Variants in METTL25 observed in about 807,000 individuals in gnomAD.
The protein encoded by METTL25 is methyltransferase like 25.
A neutral mutation model predicts 71.6 loss-of-function variants in METTL25; 64 were observed. That is an observed-to-expected ratio of 0.89 (90% CI 0.73 to 1.10). The LOEUF (loss-of-function observed/expected upper bound fraction) is 1.10. Ranked by LOEUF, METTL25 falls within the 50% of genes least tolerant of loss-of-function variation. METTL25 has a pLI of 0.00. For synonymous variants in METTL25, 287 were observed against 250.3 expected (o/e 1.15, Z -1.38); for missense variants, 807 against 707.0 (o/e 1.14, Z -1.60).
At chr12:82,429,055 A>G (rs766505023) in intron 5 of METTL25, among the ~76,000 whole-genome samples, 2 of 151,784 alleles carry the variant, frequency 1.3e-5, no homozygotes, top group African/African-American at 4.8e-5. Context: ...AACATTTCAA[A>G]TCTCTTCTAG....
chr12:82,370,798 T>G (rs954234592), intron 1 of METTL25, among the ~76,000 whole-genome samples: 1 of 152,100 alleles, frequency 6.6e-6, no homozygotes, highest in Non-Finnish European at 1.5e-5. Context: ...CTCTCTGACT[T>G]TCTGTCTCTT....
rs1242471823 is a variant in METTL25, at chr12:82,399,083, A to T, written c.820A>T (p.Thr274Ser). 1 of 1,613,250 alleles carries T rather than the reference A, an allele frequency of 6.2e-7. No individual in the cohort carries two copies. Among genetic ancestry groups the T allele is most frequent in the East Asian group, 2.2e-5 (1 of 44,782 alleles). ...TCCTACAAATCAAGAAAAGATGCCT[A>T]CCTCAGCTATTTTGCCTGATTTTTC... Reference protein sequence around the residue: ...NSPTNQEKMPTSAILPDFSGS... With the variant: ...NSPTNQEKMPSSAILPDFSGS... The change falls in exon 4 of 12, where the codon ACC becomes TCC. Residue 274 changes from threonine (T) to serine (S), a missense_variant. Transcript: ENST00000248306.
chr12:82,455,080 A>G (rs1395411493), intron 8 of METTL25, among the ~76,000 whole-genome samples: 1 of 151,814 alleles, frequency 6.6e-6, no homozygotes, highest in Non-Finnish European at 1.5e-5. Context: ...GAGCTACTCC[A>G]TAAGACGGTG....
intron 4 of METTL25, among the ~76,000 whole-genome samples, chr12:82,399,933 CCTAA>C (rs1886434226): frequency 7.8e-6 from 1 of 127,490 alleles, no homozygotes; most frequent in Non-Finnish European, 1.6e-5. Flanking sequence ...GATCGTTTGG[CCTAA>C]CTCATTGTCT....
At chr12:82,374,962 T>C (rs373982038) in intron 1 of METTL25, among the ~76,000 whole-genome samples, 1 of 152,272 alleles carries the variant, frequency 6.6e-6, no homozygotes, top group African/African-American at 2.4e-5. Context: ...TTTTGAAAGA[T>C]GCTGTACAGA....
At chr12:82,388,671 TG>T (rs1181853839) in intron 2 of METTL25, 6 of 152,224 alleles carry the variant, frequency 3.9e-5, no homozygotes, top group African/African-American at 1.4e-4. Context: ...ATTCAAGGTC[TG>T]GATGGACTCT....
chr12:82,406,086 A>G (rs1344034088), intron 5 of METTL25, among the ~76,000 whole-genome samples: 1 of 152,160 alleles, frequency 6.6e-6, no homozygotes, highest in Non-Finnish European at 1.5e-5. Flanking sequence ...TTATGGAAAG[A>G]GATAGGAAAA....
In METTL25 at chr12:82,358,967, G is replaced by A. The variant is rs558800626; in HGVS notation, c.259+143G>A. ...CCCGCTGGGAAACCGAGGAGGGGTC[G>A]GATTAGTTGAGGGGTGGGGTGGGGA... On this transcript the variant is annotated intron_variant, in intron 1 of 11. Coordinates refer to ENST00000248306, the MANE Select transcript of METTL25 (RefSeq NM_032230.3). 7 of 916,112 alleles carry A rather than the reference G, an allele frequency of 7.6e-6. No individual in the cohort carries two copies. The East Asian group carries it at 1.9e-4, about 24-fold the overall frequency. The allele number at this position is 916,112 out of a possible 1,614,324, so 56.7% of individuals were successfully genotyped here. A position where few individuals can be genotyped will look rare whatever the true frequency, so the allele number is the denominator to read the frequency against.
chr12:82,421,052 G>T (rs923300092), intron 5 of METTL25, among the ~76,000 whole-genome samples: 1 of 152,204 alleles, frequency 6.6e-6, no homozygotes, highest in Non-Finnish European at 1.5e-5. Flanking sequence ...AGTACAGACG[G>T]GGTTTCGCCA....
chr12:82,391,540 ATGTGTG>A (rs59778065), intron 3 of METTL25, among the ~76,000 whole-genome samples: 5 of 150,652 alleles, frequency 3.3e-5, no homozygotes, highest in African/African-American at 4.9e-5. Flanking sequence ...TTGTTAGTAT[ATGTGTG>A]TGTGTGTGTG....
chr12:82,460,173 A>C (rs1267212128), intron 9 of METTL25, among the ~76,000 whole-genome samples: 1 of 152,156 alleles, frequency 6.6e-6, no homozygotes, highest in Non-Finnish European at 1.5e-5. Flanking sequence ...CATCCAACCC[A>C]CACTCTAAAA....
At chr12:82,470,417 C>A (rs1892503358) in intron 9 of METTL25, among the ~76,000 whole-genome samples, 1 of 152,058 alleles carries the variant, frequency 6.6e-6, no homozygotes, top group African/African-American at 2.4e-5. Context: ...TGAGTATGGA[C>A]CAAGTAGAAA....
rs749440122 is a variant in METTL25 at position 82,478,941 on chromosome 12, G to C, written c.1729G>C (p.Ala577Pro). The change falls in exon 12 of 12, where the codon GCA (alanine) becomes CCA (proline). Residue 577 changes from alanine (A) to proline (P), a missense_variant. Coordinates refer to ENST00000248306, the MANE Select transcript of METTL25 (RefSeq NM_032230.3). ...LCYLKEQEDIAWSALVKLFDP... is the reference protein window; with the variant it reads ...LCYLKEQEDIPWSALVKLFDP... ...ACTTATTAATTTACAGGAAGATATT[G>C]CATGGTCTGCTCTTGTGAAGTTGTT... The C allele has an allele frequency of 3.1e-6, 5 of 1,610,724 alleles. No homozygotes were observed. Among genetic ancestry groups the C allele is most frequent in the Non-Finnish European group, 4.2e-6 (5 of 1,177,772 alleles).
chr12:82,412,667 T>A (rs1285903967), intron 5 of METTL25, among the ~76,000 whole-genome samples: 2 of 152,170 alleles, frequency 1.3e-5, no homozygotes, highest in Non-Finnish European at 2.9e-5. Context: ...TTATCCTATG[T>A]TTACCAAATA....
chr12:82,389,445 T>C (rs1473556869), intron 2 of METTL25, among the ~76,000 whole-genome samples: 1 of 152,090 alleles, frequency 6.6e-6, no homozygotes, highest in Non-Finnish European at 1.5e-5. Flanking sequence ...AGGAGTTTGT[T>C]TTATTTTATT....
At chr12:82,454,819 G>C (rs574493883) in intron 8 of METTL25, among the ~76,000 whole-genome samples, 5 of 151,782 alleles carry the variant, frequency 3.3e-5, no homozygotes, top group Non-Finnish European at 5.9e-5. Context: ...TCTTTTAACA[G>C]TATAATAAAA....
chr12:82,474,012 G>C (rs1393616745), intron 9 of METTL25, among the ~76,000 whole-genome samples: 1 of 152,150 alleles, frequency 6.6e-6, no homozygotes, highest in Admixed American at 6.5e-5. Context: ...GCTCTGTGCT[G>C]TAGAAGCTTG....
chr12:82,419,613 T>G (rs1888293298), intron 5 of METTL25, among the ~76,000 whole-genome samples: 1 of 150,436 alleles, frequency 6.6e-6, no homozygotes, highest in African/African-American at 2.4e-5. Context: ...GGAAAAGTGC[T>G]CAACATTACT....
intron 9 of METTL25, among the ~76,000 whole-genome samples, chr12:82,460,203 C>T (rs1183383699): frequency 6.6e-6 from 1 of 152,154 alleles, no homozygotes; most frequent in Non-Finnish European, 1.5e-5. Context: ...TATGGTCTAC[C>T]TTTGCTTGTC....
Sources: gnomAD v4.1 joint callset for allele counts (sites outside exome capture counted in the v4.1 genomes callset) on GRCh38, gnomAD v4.1.1 for gene constraint, MANE v1.5 for transcripts, NCBI Gene and HGNC (gene_info 2026-07-23, HGNC 2026-07-21) for gene names.